The following MINPP1 variants were observed in gnomAD, a reference collection of about 807,000 sequenced individuals.
MINPP1 encodes the protein multiple inositol polyphosphate phosphatase 1.
MINPP1 carries 28 observed loss-of-function variants against 46.1 expected under a neutral mutation model. The observed-to-expected ratio is 0.61, with a 90% CI of 0.45 to 0.83. The LOEUF is 0.83. MINPP1 is among the 40% of genes least tolerant of loss of function. MINPP1 has a pLI of 0.00. For missense variants in MINPP1, 603 were observed against 610.0 expected (o/e 0.99, Z 0.12); for synonymous variants, 268 against 249.1 (o/e 1.08, Z -0.72).
intron 4 of MINPP1, among the ~76,000 whole-genome samples, chr10:87,529,187 T>C (rs1364800078): frequency 6.6e-6 from 1 of 152,260 alleles, no homozygotes; most frequent in Non-Finnish European, 1.5e-5. Context: ...TGTCTTTTAA[T>C]TGGAGCATTT....
intron 3 of MINPP1, among the ~76,000 whole-genome samples, chr10:87,517,703 G>T (rs1172060332): frequency 1.3e-5 from 2 of 152,016 alleles, no homozygotes; most frequent in Non-Finnish European, 2.9e-5. Context: ...GAACATTATT[G>T]TATATGTTTA....
In MINPP1 at chr10:87,540,495, TCACACACA is replaced by T. The variant is rs3062345; in HGVS notation, c.1068-11563_1068-11556del. ...GTCTCTGTCTCTGTCTCTCTCTCTG[TCACACACA>T]CACACACACACACACACACACACTT... On this transcript the variant is annotated intron_variant, in intron 4 of 4. Coordinates refer to ENST00000371996, the MANE Select transcript of MINPP1 (RefSeq NM_004897.5). Among the ~76,000 whole-genome samples, 535 of 149,166 alleles carry T rather than the reference TCACACACA, an allele frequency of 3.6e-3. 2 individuals carry two copies. Among genetic ancestry groups the T allele is most frequent in the African/African-American group, 9.8e-3 (397 of 40,562 alleles).
chr10:87,505,946 G>A lies in MINPP1; in HGVS notation c.637+394G>A, dbSNP rs565199560. Reference sequence around the variant, plus strand: ...CCCTGGCGTCTAGTTTCACAATTGGGCGCACGTTTTAAAAAACAGAATCTA... The same window carrying A: ...CCCTGGCGTCTAGTTTCACAATTGGACGCACGTTTTAAAAAACAGAATCTA... On this transcript the variant is annotated intron_variant, in intron 1 of 4. Transcript: ENST00000371996. This position sits in a 1 kb window ranked among gnomAD's most constrained non-coding sequence, Gnocchi z 4.4. Among the ~76,000 whole-genome samples, 21 of 151,508 alleles carry A rather than the reference G, an allele frequency of 1.4e-4. No individual in the cohort carries two copies. The highest frequency in any genetic ancestry group is 5.1e-4 in the African/African-American group (21 of 41,276).
chr10:87,524,646 G>A (rs1054302893), intron 4 of MINPP1, among the ~76,000 whole-genome samples: 1 of 152,150 alleles, frequency 6.6e-6, no homozygotes, highest in East Asian at 1.9e-4. Context: ...TGAAAGATGT[G>A]TGAGTCTTGC....
At chr10:87,541,752 C>T (rs143452826) in intron 4 of MINPP1, among the ~76,000 whole-genome samples, 380 of 152,178 alleles carry the variant, frequency 2.5e-3, no homozygotes, top group African/African-American at 8.4e-3. Flanking sequence ...AGAGCAGGAG[C>T]GAAAGCGAGA....
At chr10:87,510,319 A>G (rs1381364977) in intron 2 of MINPP1, among the ~76,000 whole-genome samples, 1 of 152,210 alleles carries the variant, frequency 6.6e-6, no homozygotes, top group Admixed American at 6.5e-5. Context: ...TTACTTAACA[A>G]TATATTTGTC....
At chr10:87,540,462 C>T (rs1312607165) in intron 4 of MINPP1, among the ~76,000 whole-genome samples, 1 of 137,412 alleles carries the variant, frequency 7.3e-6, no homozygotes, top group African/African-American at 2.6e-5. Flanking sequence ...AGTCTCTCTC[C>T]TCTCTCTGTC....
intron 2 of MINPP1, among the ~76,000 whole-genome samples, 187 bp downstream of exon 2, chr10:87,508,720 C>G (rs1851292283): frequency 6.6e-6 from 1 of 152,040 alleles, no homozygotes; most frequent in Non-Finnish European, 1.5e-5. Context: ...GATTCATATT[C>G]TTCTTTGAGT....
At chr10:87,544,056 T>C (rs1333011127) in intron 4 of MINPP1, among the ~76,000 whole-genome samples, 4 of 152,174 alleles carry the variant, frequency 2.6e-5, no homozygotes, top group African/African-American at 9.7e-5. Flanking sequence ...CATCAGATCT[T>C]ACAAGTTGAG....
chr10:87,552,561 C>G lies in MINPP1; in HGVS notation c.*83C>G. 1 of 1,372,340 alleles carries G rather than the reference C, an allele frequency of 7.3e-7. No individual in the cohort carries two copies. 85.0% of individuals were successfully genotyped at this position (1,372,340 alleles called of 1,614,324 possible). On this transcript the variant is annotated 3_prime_UTR_variant, in exon 5 of 5. Coordinates refer to ENST00000371996, the MANE Select transcript of MINPP1 (RefSeq NM_004897.5). ...TAATAGGTAGGCAATTCCTTGATTA[C>G]AGGAAGCTTTTATATTACTTGAGTA...
At chr10:87,523,807 C>CAAGT (rs2131818037) in intron 4 of MINPP1, among the ~76,000 whole-genome samples, 2 of 152,128 alleles carry the variant, frequency 1.3e-5, no homozygotes, top group East Asian at 3.9e-4. Flanking sequence ...CTTGGATGAC[C>CAAGT]AAGTGTATTG....
At chr10:87,537,027 C>T (rs1333631244) in intron 4 of MINPP1, among the ~76,000 whole-genome samples, 1 of 152,094 alleles carries the variant, frequency 6.6e-6, no homozygotes, top group East Asian at 1.9e-4. Context: ...GCCTCTGTCT[C>T]GTGGGCTCAA....
chr10:87,545,848 C>T (rs1851879399), intron 4 of MINPP1, among the ~76,000 whole-genome samples: 1 of 152,132 alleles, frequency 6.6e-6, no homozygotes, highest in Non-Finnish European at 1.5e-5. Context: ...TAAAAGTTGT[C>T]ATTTATTGAC....
chr10:87,513,757 T>A (rs185666603), intron 3 of MINPP1, among the ~76,000 whole-genome samples: 17 of 152,328 alleles, frequency 1.1e-4, no homozygotes, highest in Admixed American at 4.6e-4. Flanking sequence ...CTATTGGTGC[T>A]CTAACAAGTT....
At chr10:87,534,694 T>A (rs1400871878) in intron 4 of MINPP1, among the ~76,000 whole-genome samples, 1 of 152,212 alleles carries the variant, frequency 6.6e-6, no homozygotes, top group Non-Finnish European at 1.5e-5. Context: ...TCAGTTACTA[T>A]TTTAAAAAAA....
At chr10:87,536,791 A>C (rs1427635536) in intron 4 of MINPP1, among the ~76,000 whole-genome samples, 1 of 152,118 alleles carries the variant, frequency 6.6e-6, no homozygotes, top group East Asian at 1.9e-4. Flanking sequence ...CCATTTGTTC[A>C]CCTTTTGATG....
At chr10:87,509,625 C>T in intron 2 of MINPP1, 1 of 216,206 alleles carries the variant, frequency 4.6e-6, no homozygotes. Flanking sequence ...CATTCTTCTT[C>T]CTTTCTCACC....
chr10:87,521,526 T>A (rs1218746688), intron 4 of MINPP1, among the ~76,000 whole-genome samples: 1 of 152,224 alleles, frequency 6.6e-6, no homozygotes, highest in Non-Finnish European at 1.5e-5. Context: ...ATGAATGTAT[T>A]GGTGCCCAAA....
chr10:87,547,821 C>T (rs1851909023), intron 4 of MINPP1, among the ~76,000 whole-genome samples: 1 of 152,148 alleles, frequency 6.6e-6, no homozygotes, highest in South Asian at 2.1e-4. Flanking sequence ...GCCACTGTGG[C>T]TGTTTGCTAT....
Sources: allele counts gnomAD v4.1 joint callset (sites outside exome capture counted in the v4.1 genomes callset), GRCh38; gene constraint gnomAD v4.1.1; non-coding constraint Gnocchi (gnomAD v3.1); transcripts MANE v1.5; gene names NCBI Gene and HGNC (gene_info 2026-07-23, HGNC 2026-07-21).